The following FHIT variants were observed in gnomAD, a reference collection of about 807,000 sequenced individuals.
FHIT encodes the protein bis(5'-adenosyl)-triphosphatase.
Under a neutral mutation model 17.9 loss-of-function variants are expected in FHIT, and 19 were observed. The observed-to-expected ratio is 1.06, with a 90% CI of 0.74 to 1.56. The LOEUF (loss-of-function observed/expected upper bound fraction) is 1.56, where lower values mean the gene tolerates loss of function less well. Ranked by LOEUF, FHIT falls within the 40% of genes most tolerant of loss-of-function variation. The pLI, the probability that FHIT is intolerant of heterozygous loss-of-function variation, is 0.00. For missense variants in FHIT, 248 were observed against 189.2 expected, an observed-to-expected ratio of 1.31 and a Z score of -1.82; for synonymous variants, 81 against 69.7, an observed-to-expected ratio of 1.16 and a Z score of -0.81.
intron 8 of FHIT, among the ~76,000 whole-genome samples, chr3:59,793,836 C>T (rs937910198): frequency 1.3e-5 from 2 of 152,082 alleles, no homozygotes; most frequent in African/African-American, 4.8e-5. Flanking sequence ...AAAGATCTGG[C>T]ACTTGAGAGC....
intron 4 of FHIT, among the ~76,000 whole-genome samples, chr3:60,812,727 T>A (rs1701608888): frequency 6.6e-6 from 1 of 152,114 alleles, no homozygotes; most frequent in African/African-American, 2.4e-5. Context: ...GCACTGTAGT[T>A]CCTCATATGC....
intron 5 of FHIT, among the ~76,000 whole-genome samples, chr3:60,393,314 C>T (rs1467730940): frequency 6.6e-6 from 1 of 151,564 alleles, no homozygotes; most frequent in Non-Finnish European, 1.5e-5. Context: ...ATTCTATTTT[C>T]CACAAACTTT....
chr3:61,107,723 G>A (rs968289373), intron 2 of FHIT, among the ~76,000 whole-genome samples: 2 of 152,120 alleles, frequency 1.3e-5, no homozygotes, highest in South Asian at 2.1e-4. Context: ...TTTGTGAATC[G>A]GGCAGCCTTC....
chr3:60,331,659 C>A (rs1709984032), intron 5 of FHIT, among the ~76,000 whole-genome samples: 1 of 152,178 alleles, frequency 6.6e-6, no homozygotes, highest in Admixed American at 6.5e-5. Flanking sequence ...CCAGCCTGAC[C>A]AACATGGAGA....
intron 8 of FHIT, among the ~76,000 whole-genome samples, chr3:59,908,129 A>T (rs1043353894): frequency 6.6e-6 from 1 of 152,244 alleles, no homozygotes; most frequent in African/African-American, 2.4e-5. Context: ...AAAGATTGGT[A>T]CATAGGCACC....
At chr3:60,188,207 C>CTT (rs1210975877) in intron 5 of FHIT, among the ~76,000 whole-genome samples, 53,114 of 125,436 alleles carry the variant, frequency 0.42, 11,653 homozygotes, top group Middle Eastern at 0.5. Context: ...CAGTTTCTTT[C>CTT]TTTTTTTTTT....
intron 4 of FHIT, among the ~76,000 whole-genome samples, chr3:60,710,578 G>A (rs1407448596): frequency 8.5e-5 from 13 of 152,212 alleles, no homozygotes; most frequent in Admixed American, 3.9e-4. Flanking sequence ...TGAATACCAC[G>A]CTTTTCCGAT....
chr3:61,189,017 T>C (rs1450846750), intron 2 of FHIT, among the ~76,000 whole-genome samples: 1 of 152,054 alleles, frequency 6.6e-6, no homozygotes, highest in Admixed American at 6.6e-5. Flanking sequence ...CTTTGAAAAC[T>C]GGCACAAGAC....
chr3:60,981,375 G>A (rs1575790974), intron 3 of FHIT, among the ~76,000 whole-genome samples: 1 of 144,096 alleles, frequency 6.9e-6, no homozygotes, highest in East Asian at 2.1e-4. Context: ...CGTGATCTTA[G>A]CTCACTGCAA....
chr3:60,905,943 G>T (rs1706390809), intron 3 of FHIT, among the ~76,000 whole-genome samples: 1 of 151,908 alleles, frequency 6.6e-6, no homozygotes, highest in Non-Finnish European at 1.5e-5. Context: ...ACTTGAACCA[G>T]GTAAGTTTTG....
In FHIT at chr3:60,186,362, A is replaced by G. The variant is rs139032919; in HGVS notation, c.104-172210T>C. Among the ~76,000 whole-genome samples, 28 of 152,242 alleles carry G rather than the reference A, an allele frequency of 1.8e-4. No homozygotes were observed. The East Asian group carries it at 4.8e-3, about 26-fold the overall frequency. ...GTGGATGTTCAACTGTTCTACCACCATTTGTTGAAAAGTTATCCTTTCTCC... is the reference window on the plus strand; with the variant it reads ...GTGGATGTTCAACTGTTCTACCACCGTTTGTTGAAAAGTTATCCTTTCTCC... On this transcript the variant is annotated intron_variant, in intron 5 of 9. Transcript: ENST00000492590.
At chr3:59,816,299 C>T (rs935805427) in intron 8 of FHIT, among the ~76,000 whole-genome samples, 2 of 152,202 alleles carry the variant, frequency 1.3e-5, no homozygotes, top group East Asian at 1.9e-4. Context: ...CAGTTATCAT[C>T]ACATATGTCA....
intron 8 of FHIT, among the ~76,000 whole-genome samples, chr3:59,775,552 T>C (rs981359385): frequency 2.5e-4 from 28 of 111,058 alleles, no homozygotes; most frequent in Non-Finnish European, 3.9e-5. Context: ...CCACTCATAT[T>C]ATAAACCAAT....
intron 1 of FHIT, among the ~76,000 whole-genome samples, chr3:61,228,987 T>C (rs757593925): frequency 6.6e-6 from 1 of 152,180 alleles, no homozygotes; most frequent in African/African-American, 2.4e-5. Context: ...ATTTTCTCCA[T>C]GTCACTTCAC....
chr3:60,904,321 G>A (rs1706277497), intron 3 of FHIT, among the ~76,000 whole-genome samples: 2 of 151,944 alleles, frequency 1.3e-5, no homozygotes, highest in African/African-American at 2.4e-5. Context: ...AATCCTTTGA[G>A]TTCAGCTGGG....
At chr3:60,911,651 G>C (rs1553765924) in intron 3 of FHIT, among the ~76,000 whole-genome samples, 1 of 152,168 alleles carries the variant, frequency 6.6e-6, no homozygotes, top group Non-Finnish European at 1.5e-5. Flanking sequence ...GTCATTCAAA[G>C]CCAGCAAGTG....
At chr3:60,854,978 G>A (rs558254624) in intron 3 of FHIT, among the ~76,000 whole-genome samples, 44 of 152,174 alleles carry the variant, frequency 2.9e-4, no homozygotes, top group Middle Eastern at 3.4e-3. Flanking sequence ...GGAGGTTCAG[G>A]GAATTACTCA....
At chr3:60,003,355 C>T (rs2107505218) in intron 7 of FHIT, among the ~76,000 whole-genome samples, 1 of 152,224 alleles carries the variant, frequency 6.6e-6, no homozygotes, top group East Asian at 1.9e-4. Flanking sequence ...CTGTTAATAA[C>T]TACTAGTCAA....
intron 5 of FHIT, among the ~76,000 whole-genome samples, chr3:60,270,675 A>C (rs1436742122): frequency 6.6e-6 from 1 of 152,232 alleles, no homozygotes; most frequent in African/African-American, 2.4e-5. Flanking sequence ...AGCTCAAATA[A>C]AAATGGGCCA....
Sources: allele counts gnomAD v4.1 joint callset (sites outside exome capture counted in the v4.1 genomes callset), GRCh38; gene constraint gnomAD v4.1.1; transcripts MANE v1.5; gene names NCBI Gene and HGNC (gene_info 2026-07-23, HGNC 2026-07-21).